The following PIN4 variants were observed in gnomAD, a reference collection of about 807,000 sequenced individuals.
The protein encoded by PIN4 is peptidylprolyl cis/trans isomerase, NIMA-interacting 4.
A neutral mutation model predicts 8.3 loss-of-function variants in PIN4; 3 were observed. That is an observed-to-expected ratio of 0.36 (90% CI 0.16 to 0.93). PIN4 has a LOEUF of 0.93. Among genes scored for constraint, PIN4 ranks in the 40% least tolerant of loss-of-function variants. The pLI is 0.44. For missense variants in PIN4, 75 were observed against 100.6 expected, an observed-to-expected ratio of 0.75 and a Z score of 1.09; for synonymous variants, 18 against 32.5, an observed-to-expected ratio of 0.55 and a Z score of 1.52.
intron 3 of PIN4, among the ~76,000 whole-genome samples, chrX:72,254,913 G>A (rs1323535567): frequency 7.2e-5 from 8 of 111,741 alleles, no homozygotes; most frequent in African/African-American, 2.3e-4. Context: ...TGCCCCTGCA[G>A]GATGAGCTTG....
intron 2 of PIN4, among the ~76,000 whole-genome samples, chrX:72,187,264 G>A (rs937761719): frequency 8.9e-6 from 1 of 112,231 alleles, no homozygotes; most frequent in African/African-American, 3.2e-5. Context: ...ATGGGGGCAG[G>A]AGAAAATCAG....
intron 1 of PIN4, among the ~76,000 whole-genome samples, chrX:72,185,005 G>C (rs907869869): frequency 9.2e-6 from 1 of 108,765 alleles, no homozygotes; most frequent in Non-Finnish European, 1.9e-5. Context: ...TTAGCGGGGC[G>C]TGGTGGCAGG....
At chrX:72,199,285 A>C (rs1000603897), downstream of PIN4, among the ~76,000 whole-genome samples, 17 of 112,000 alleles carry the variant, frequency 1.5e-4, no homozygotes, top group African/African-American at 5.5e-4. Context: ...CTGTAATCCC[A>C]GCACTTTGGG....
In PIN4 at chrX:72,251,362, C is replaced by CAAAAAAA. The variant is rs35914181; in HGVS notation, c.313-11338_313-11332dup. Reference sequence around the variant, plus strand: ...TGGGCGACACAGCGAGACTCTGTCTCAAAAAAAAAAAAATATGTGTGAGTG... The same window carrying CAAAAAAA: ...TGGGCGACACAGCGAGACTCTGTCTCAAAAAAAAAAAAAAAAAAAATATGTGTGAGTG... On this transcript the variant is annotated intron_variant, in intron 3 of 3. Transcript: ENST00000423432. Among the ~76,000 whole-genome samples, 4 of 65,618 alleles carry CAAAAAAA rather than the reference C, an allele frequency of 6.1e-5. 1 individual carries two copies. The highest frequency in any genetic ancestry group is 3.7e-4 in the African/African-American group (4 of 10,769). 57.0% of individuals were successfully genotyped at this position (65,618 alleles called of 115,157 possible).
In PIN4 at chrX:72,196,831, T is replaced by C; in HGVS notation, c.164T>C (p.Met55Thr). ...CEKHGKIMEA[M>T]EKLKSGMRFN... is the part of the protein sequence containing the mutation. Reference sequence around the variant, plus strand: ...AAACATGGCAAAATCATGGAAGCCATGGAAAAGTTAAAGTCTGGGATGAGA... The same window carrying C: ...AAACATGGCAAAATCATGGAAGCCACGGAAAAGTTAAAGTCTGGGATGAGA... The change falls in exon 3 of 4, where the codon ATG becomes ACG. Residue 55 changes from methionine to threonine, a missense_variant. Coordinates refer to ENST00000373669, the MANE Select transcript of PIN4 (RefSeq NM_006223.4). 8.3e-7 allele frequency: 1 copy of C among 1,203,884 alleles called. No individual in the cohort carries two copies. The highest frequency in any genetic ancestry group is 1.1e-6 in the Non-Finnish European group (1 of 890,055).
intron 3 of PIN4, among the ~76,000 whole-genome samples, chrX:72,232,637 C>T (rs1385426635): frequency 9.0e-6 from 1 of 111,188 alleles, no homozygotes; most frequent in African/African-American, 3.3e-5. Context: ...GACGAAACCC[C>T]GTTTCTACTA....
At chrX:72,214,625 A>G (rs1182582492) in intron 3 of PIN4, among the ~76,000 whole-genome samples, 1 of 104,957 alleles carries the variant, frequency 9.5e-6, no homozygotes, top group Non-Finnish European at 1.9e-5. Context: ...GTGAGCCGAG[A>G]TCATGCCACA....
chrX:72,208,726 A>G, intron 3 of PIN4: 26 of 1,102,352 alleles, frequency 2.4e-5, no homozygotes, highest in Non-Finnish European at 3.0e-5. Flanking sequence ...AGAAGAGGAG[A>G]AAGGAAACAT....
chrX:72,228,715 C>T (rs2042966836), intron 3 of PIN4, among the ~76,000 whole-genome samples: 1 of 111,268 alleles, frequency 9.0e-6, no homozygotes, highest in Admixed American at 9.6e-5. Flanking sequence ...CAGGACTTTA[C>T]TCTTACCCAA....
chrX:72,222,474 G>A (rs929878508), intron 3 of PIN4, among the ~76,000 whole-genome samples: 10 of 111,091 alleles, frequency 9.0e-5, no homozygotes, highest in African/African-American at 3.3e-4. Context: ...GGAAACAATG[G>A]CATCAGGCGA....
intron 3 of PIN4, among the ~76,000 whole-genome samples, chrX:72,218,495 CTT>C (rs200615272): frequency 9.3e-5 from 9 of 97,099 alleles, no homozygotes; most frequent in African/African-American, 7.5e-5. Context: ...ATTTCTTTCT[CTT>C]TTTTTTTTTT....
chrX:72,237,231 C>T (rs184266474), intron 3 of PIN4, among the ~76,000 whole-genome samples: 1 of 111,471 alleles, frequency 9.0e-6, no homozygotes, highest in African/African-American at 3.3e-5. Flanking sequence ...GCATGGTGGC[C>T]CACGTCTGTA....
intron 3 of PIN4, among the ~76,000 whole-genome samples, chrX:72,210,377 C>A (rs1445977320): frequency 9.0e-6 from 1 of 111,031 alleles, no homozygotes; most frequent in African/African-American, 3.3e-5. Flanking sequence ...TGGGAAAATA[C>A]CAAGTGTTGG....
At chrX:72,231,701 G>A (rs904149038) in intron 3 of PIN4, among the ~76,000 whole-genome samples, 2 of 110,551 alleles carry the variant, frequency 1.8e-5, no homozygotes, top group East Asian at 2.8e-4. Context: ...CTACAGATGC[G>A]TACCACCACA....
At chrX:72,245,393 C>G (rs1391373017) in intron 3 of PIN4, among the ~76,000 whole-genome samples, 1 of 111,339 alleles carries the variant, frequency 9.0e-6, no homozygotes, top group African/African-American at 3.3e-5. Flanking sequence ...TGTTCTCCAG[C>G]TCCTGGGCTC....
chrX:72,210,087 G>A (rs960346155), intron 3 of PIN4, among the ~76,000 whole-genome samples: 4 of 108,653 alleles, frequency 3.7e-5, no homozygotes, highest in Admixed American at 1.0e-4. Flanking sequence ...ATACAGGGCC[G>A]GGTGCGGTGG....
At chrX:72,248,802 A>T (rs1352172488) in intron 3 of PIN4, among the ~76,000 whole-genome samples, 1 of 110,967 alleles carries the variant, frequency 9.0e-6, no homozygotes, top group Admixed American at 9.6e-5. Context: ...TCTTGAACCC[A>T]GGAGGCAGAG....
chrX:72,184,918 AG>A (rs2147565257), intron 1 of PIN4, among the ~76,000 whole-genome samples: 2 of 109,503 alleles, frequency 1.8e-5, no homozygotes, highest in East Asian at 5.8e-4. Context: ...CGAGGCTCGC[AG>A]ATCACGAGGT....
rs201224095 is a variant in PIN4, at chrX:72,248,907, C to A, written c.313-13800C>A. On this transcript the variant is annotated intron_variant, in intron 3 of 3. Coordinates refer to the PIN4 transcript ENST00000423432. ...AAGAAAAGAAAAAGAAAAAAAAAAA[C>A]CAATCCTCAGGCAAAATTGCTAGGG... is the stretch of plus-strand genomic sequence containing the variant. Among the ~76,000 whole-genome samples the A allele has an allele frequency of 2.0e-4, 22 of 110,319 alleles. No individual in the cohort carries two copies. The East Asian group carries it at 4.0e-3, about 20-fold the overall frequency.
Sources: gnomAD v4.1 joint callset for allele counts (sites outside exome capture counted in the v4.1 genomes callset) on GRCh38, gnomAD v4.1.1 for gene constraint, MANE v1.5 for transcripts, NCBI Gene and HGNC (gene_info 2026-07-23, HGNC 2026-07-21) for gene names.